TNFSF13B: variants seen among roughly 807,000 people sequenced by gnomAD.
TNFSF13B encodes tumor necrosis factor ligand superfamily member 13B.
TNFSF13B carries 8 observed loss-of-function variants against 29.1 expected under a neutral mutation model. The ratio of observed to expected loss-of-function variants is 0.27; its 90% CI spans 0.16 to 0.50. The LOEUF is 0.50. Among genes scored for constraint, TNFSF13B ranks in the 20% least tolerant of loss-of-function variants. The probability of loss-of-function intolerance (pLI) is 0.98; values close to 1 mark genes in which losing one functional copy is unlikely to be tolerated. For missense variants in TNFSF13B, 248 were observed against 334.9 expected, an observed-to-expected ratio of 0.74 and a Z score of 2.03; for synonymous variants, 125 against 130.8, an observed-to-expected ratio of 0.96 and a Z score of 0.30.
chr13:108,288,530 A>C (rs771391474), intron 3 of TNFSF13B, among the ~76,000 whole-genome samples: 2 of 152,236 alleles, frequency 1.3e-5, no homozygotes, highest in Non-Finnish European at 2.9e-5. Context: ...CCCATTTTAT[A>C]GTAAAGTATT....
At chr13:108,306,338 A>T (rs1409088456) in intron 5 of TNFSF13B, among the ~76,000 whole-genome samples, 1 of 152,040 alleles carries the variant, frequency 6.6e-6, no homozygotes, top group African/African-American at 2.4e-5. Flanking sequence ...ATGTTAAGAA[A>T]TGGTGTTTTC....
intron 5 of TNFSF13B, among the ~76,000 whole-genome samples, chr13:108,304,552 A>C (rs183527572): frequency 5.1e-4 from 77 of 152,316 alleles, no homozygotes; most frequent in Admixed American, 1.6e-3. Context: ...ATTTAAAATT[A>C]ATCCAGGCTG....
chr13:108,278,585 TC>T (rs1303939083), intron 2 of TNFSF13B, among the ~76,000 whole-genome samples: 3 of 143,180 alleles, frequency 2.1e-5, no homozygotes, highest in African/African-American at 2.6e-5. Context: ...CCTCTCCTCC[TC>T]CTCCCCTTCT....
At chr13:108,271,164 G>GA (rs558753329) in intron 2 of TNFSF13B, among the ~76,000 whole-genome samples, 326 of 151,750 alleles carry the variant, frequency 2.1e-3, no homozygotes, top group African/African-American at 7.0e-3. Context: ...ATTTGAAGGT[G>GA]AAAAAAAGAA....
chr13:108,270,567 G>C (rs1594512795), intron 2 of TNFSF13B, 143 bp downstream of exon 2: 2 of 802,012 alleles, frequency 2.5e-6, no homozygotes, highest in Non-Finnish European at 3.9e-6. Flanking sequence ...CATTGCTTTA[G>C]AGCAAAGCCC....
At chr13:108,295,892 A>G (rs1881447588) in intron 3 of TNFSF13B, among the ~76,000 whole-genome samples, 1 of 146,316 alleles carries the variant, frequency 6.8e-6, no homozygotes, top group Admixed American at 6.7e-5. Flanking sequence ...ATAGAGAGCC[A>G]TTTCAGATTG....
chr13:108,286,718 G>A, intron 2 of TNFSF13B, 85 bp from the exon 3 acceptor site: 1 of 788,436 alleles, frequency 1.3e-6, no homozygotes, highest in Non-Finnish European at 2.0e-6. Context: ...TAGTGTTTCT[G>A]GAAGAGTGGG....
chr13:108,270,515 A>G, intron 2 of TNFSF13B, 91 bp downstream of exon 2: 1 of 1,218,670 alleles, frequency 8.2e-7, no homozygotes, highest in African/African-American at 1.5e-5. Flanking sequence ...CCCTCTATGA[A>G]CCTATTAAAT....
At chr13:108,288,081 C>T (rs1220285678) in intron 3 of TNFSF13B, among the ~76,000 whole-genome samples, 3 of 152,092 alleles carry the variant, frequency 2.0e-5, no homozygotes, top group African/African-American at 7.2e-5. Flanking sequence ...TTTGTTTCAT[C>T]CAGTTTTTCA....
intron 3 of TNFSF13B, among the ~76,000 whole-genome samples, chr13:108,288,370 T>A (rs910093755): frequency 1.3e-5 from 2 of 152,160 alleles, no homozygotes; most frequent in Non-Finnish European, 2.9e-5. Context: ...TATGTCCTGA[T>A]AAACCCATCC....
intron 2 of TNFSF13B, among the ~76,000 whole-genome samples, chr13:108,281,241 CA>C (rs1178692743): frequency 1.3e-5 from 2 of 149,636 alleles, no homozygotes; most frequent in African/African-American, 2.5e-5. Flanking sequence ...AACTCTGTCT[CA>C]AAAAAAAAGA....
In TNFSF13B at chr13:108,307,667, A is replaced by G. The variant is rs1001930691; in HGVS notation, c.*729A>G. ...ATGTGTATTTTCTATAGTGAATTTC[A>G]GAAACTTTTAATATCAGGTAATTTC... is the stretch of plus-strand genomic sequence containing the variant. On this transcript the variant is annotated 3_prime_UTR_variant, in exon 6 of 6. Transcript: ENST00000375887. The G allele has an allele frequency of 2.0e-5, 3 of 152,020 alleles. No individual in the cohort carries two copies. In the South Asian group the frequency reaches 6.2e-4, roughly 31 times the overall value. The allele number at this position is 152,020 out of a possible 1,614,324, so 9.4% of individuals were successfully genotyped here.
intron 3 of TNFSF13B, among the ~76,000 whole-genome samples, chr13:108,290,432 G>A (rs1427150293): frequency 6.6e-6 from 1 of 152,120 alleles, no homozygotes. Flanking sequence ...TCCTATAGGG[G>A]TTGTAAAGTG....
At chr13:108,284,846 A>G (rs1162100367) in intron 2 of TNFSF13B, among the ~76,000 whole-genome samples, 1 of 152,216 alleles carries the variant, frequency 6.6e-6, no homozygotes, top group Non-Finnish European at 1.5e-5. Flanking sequence ...CTCTTTTAAA[A>G]TAGGTTGAAT....
At chr13:108,286,321 G>A (rs555869918) in intron 2 of TNFSF13B, among the ~76,000 whole-genome samples, 1 of 151,846 alleles carries the variant, frequency 6.6e-6, no homozygotes, top group East Asian at 1.9e-4. Context: ...TTGGTACACT[G>A]TCTGCACTTA....
intron 5 of TNFSF13B, among the ~76,000 whole-genome samples, chr13:108,305,160 C>T (rs1441518467): frequency 6.6e-6 from 1 of 151,950 alleles, no homozygotes; most frequent in Non-Finnish European, 1.5e-5. Flanking sequence ...TATATGAGTA[C>T]CATCCTCTAG....
At chr13:108,278,774 G>A (rs944102207) in intron 2 of TNFSF13B, among the ~76,000 whole-genome samples, 46 of 110,468 alleles carry the variant, frequency 4.2e-4, no homozygotes, top group African/African-American at 1.4e-3. Flanking sequence ...AGAGAAAAGG[G>A]AATAACTGCG....
At chr13:108,281,707 T>C (rs1336464112) in intron 2 of TNFSF13B, among the ~76,000 whole-genome samples, 1 of 152,194 alleles carries the variant, frequency 6.6e-6, no homozygotes, top group East Asian at 1.9e-4. Flanking sequence ...GATCTAGTTT[T>C]CTCAAAATTC....
At chr13:108,276,463 C>G (rs1173596979) in intron 2 of TNFSF13B, among the ~76,000 whole-genome samples, 1 of 152,260 alleles carries the variant, frequency 6.6e-6, no homozygotes, top group African/African-American at 2.4e-5. Flanking sequence ...AACGGAAGAG[C>G]TAGGAAACAA....
Sources: allele counts gnomAD v4.1 joint callset (sites outside exome capture counted in the v4.1 genomes callset), GRCh38; gene constraint gnomAD v4.1.1; transcripts MANE v1.5; gene names NCBI Gene and HGNC (gene_info 2026-07-23, HGNC 2026-07-21).